Variants in RCOR2 observed in about 807,000 individuals in gnomAD.
RCOR2 encodes the protein REST corepressor 2.
Under a neutral mutation model 58.9 loss-of-function variants are expected in RCOR2, and 19 were observed. The observed-to-expected ratio is 0.32, with a 90% confidence interval of 0.23 to 0.47. The LOEUF (loss-of-function observed/expected upper bound fraction) is 0.47, where lower values mean the gene tolerates loss of function less well. Ranked by LOEUF, RCOR2 falls within the 20% of genes least tolerant of loss-of-function variation. The pLI, the probability that RCOR2 is intolerant of heterozygous loss-of-function variation, is 1.00. For synonymous variants in RCOR2, 286 were observed against 278.7 expected (o/e 1.03, Z -0.26); for missense variants, 590 against 707.9 (o/e 0.83, Z 1.89).
In RCOR2 at chr11:63,912,139, A is replaced by G; in HGVS notation, c.1298T>C (p.Val433Ala). 6.6e-7 allele frequency: 1 copy of G among 1,524,560 alleles called. No homozygotes were observed. Among genetic ancestry groups the G allele is most frequent in the South Asian group, 1.2e-5 (1 of 81,556 alleles). 94.4% of individuals were successfully genotyped at this position (1,524,560 alleles called of 1,614,324 possible). The change falls in exon 12 of 12, where the codon GTG (valine) becomes GCG (alanine). Residue 433 changes from valine to alanine, a missense_variant. Val to Ala is a moderately conservative substitution (Grantham distance 64). Coordinates refer to ENST00000301459, the MANE Select transcript of RCOR2 (RefSeq NM_173587.4). ...TSVSTSVPRS[V>A]PPAPPPPPPP... ...TGGAGGGGGTGGTGGCGCAGGGGGC[A>G]CTGATCGGGGCACGGACGTGGAGAC...
the RCOR2 span, among the ~76,000 whole-genome samples, chr11:63,922,686 TATCCC>T: frequency 6.6e-6 from 1 of 152,226 alleles, no homozygotes; most frequent in Non-Finnish European, 1.5e-5. Flanking sequence ...GCTTCGATTA[TATCCC>T]ATTCCTTCTC....
In RCOR2 at chr11:63,912,292, A is replaced by T. The variant is rs781698613; in HGVS notation, c.1257+13T>A. The T allele has an allele frequency of 6.2e-7, 1 of 1,606,876 alleles. No homozygotes were observed. Among genetic ancestry groups the T allele is most frequent in the Non-Finnish European group, 8.5e-7 (1 of 1,174,640 alleles). On this transcript the variant is annotated intron_variant, in intron 11 of 11. Transcript: ENST00000301459. Reference sequence around the variant, plus strand: ...CTCTCCTCTCTGAGGGGTTTCTCTCACCCCCTTCTCACCTCATCATCTTCC... The same window carrying T: ...CTCTCCTCTCTGAGGGGTTTCTCTCTCCCCCTTCTCACCTCATCATCTTCC...
chr11:63,916,089 C>T (rs1565161865), intron 1 of RCOR2, among the ~76,000 whole-genome samples: 2 of 152,206 alleles, frequency 1.3e-5, no homozygotes, highest in African/African-American at 2.4e-5. Context: ...ATGCCTCGGT[C>T]CCTGAGGGGG....
chr11:63,915,372 G>A, intron 2 of RCOR2, 114 bp from the exon 3 acceptor site: 1 of 1,137,676 alleles, frequency 8.8e-7, no homozygotes, highest in Non-Finnish European at 1.3e-6. Flanking sequence ...AGGCCCAGAA[G>A]GGAAGGAGGG....
the RCOR2 span, among the ~76,000 whole-genome samples, chr11:63,925,322 G>C: frequency 6.6e-6 from 1 of 152,094 alleles, no homozygotes; most frequent in Non-Finnish European, 1.5e-5. Context: ...GTGCTATGGC[G>C]TTGATCCCAT....
intron 8 of RCOR2, among the ~76,000 whole-genome samples, chr11:63,913,181 TATA>T (rs1370792118): frequency 8.8e-4 from 88 of 100,428 alleles, no homozygotes; most frequent in African/African-American, 2.6e-3. Context: ...TATATATATA[TATA>T]TTTTTTTTTT....
At chr11:63,925,007 C>T in the RCOR2 span, among the ~76,000 whole-genome samples, 4 of 152,094 alleles carry the variant, frequency 2.6e-5, no homozygotes, top group African/African-American at 7.2e-5. Flanking sequence ...CCTGCCACCA[C>T]GCCCAGCTAA....
chr11:63,922,663 A>AT, the RCOR2 span, among the ~76,000 whole-genome samples: 1 of 152,166 alleles, frequency 6.6e-6, no homozygotes, highest in Non-Finnish European at 1.5e-5. Context: ...CTGAATACAA[A>AT]TTTTTAAATA....
In RCOR2 at chr11:63,917,117, C is replaced by A. The variant is rs1941870793; in HGVS notation, c.-661G>T. Among the ~76,000 whole-genome samples the A allele has an allele frequency of 6.6e-6, 1 of 151,718 alleles. No individual in the cohort carries two copies. Among genetic ancestry groups the A allele is most frequent in the Non-Finnish European group, 1.5e-5 (1 of 67,824 alleles). ...GCTCTCCCCGCCGCGCTCGGGATGCCGCTTGCTCGCCCGCTCTCCGCCGCC... is the reference window on the plus strand; with the variant it reads ...GCTCTCCCCGCCGCGCTCGGGATGCAGCTTGCTCGCCCGCTCTCCGCCGCC... On this transcript the variant is annotated 5_prime_UTR_variant, in exon 1 of 12. Transcript: ENST00000301459.
chr11:63,912,248 G>A (rs964340521), intron 11 of RCOR2, 57 bp downstream of exon 11: 25 of 1,595,324 alleles, frequency 1.6e-5, no homozygotes, highest in Non-Finnish European at 2.1e-5. Context: ...GACCAAGGCG[G>A]CGCCTCACCT....
intron 8 of RCOR2, 126 bp downstream of exon 8, chr11:63,913,828 T>C: frequency 1.1e-6 from 1 of 906,904 alleles, no homozygotes; most frequent in Non-Finnish European, 1.8e-6. Flanking sequence ...ACCACATTAC[T>C]CAGAGTCCCA....
In RCOR2 at chr11:63,915,201, T is replaced by C. The variant is rs981994837; in HGVS notation, c.242A>G (p.Asn81Ser). The C allele has an allele frequency of 5.8e-6, 9 of 1,551,308 alleles. No homozygotes were observed. The African/African-American group carries it at 8.2e-5, about 14-fold the overall frequency. ...ELKGMLVWSP[N>S]HCVSDAKLDK... ...ACGCTTGGCATCTGACACACAGTGG[T>C]TGGGTGACCACACCAGCATCCCCTT... Residue 81 changes from asparagine to serine, a missense_variant, in exon 3 of 12, where the codon AAC (asparagine) becomes AGC (serine). Physicochemically the swap from Asn to Ser is conservative, Grantham distance 46. Around this residue, in one of 3 missense-constraint regions of RCOR2, gnomAD observed 390 missense variants for 478.7 expected, o/e 0.81. Transcript: ENST00000301459.
the RCOR2 span, among the ~76,000 whole-genome samples, chr11:63,922,462 T>G: frequency 6.6e-6 from 1 of 152,140 alleles, no homozygotes; most frequent in African/African-American, 2.4e-5. Context: ...AAGCGATTCT[T>G]TTGCCTCAGC....
upstream of RCOR2, among the ~76,000 whole-genome samples, chr11:63,921,546 G>A (rs559910198): frequency 1.8e-4 from 27 of 152,304 alleles, no homozygotes; most frequent in Admixed American, 2.6e-4. Context: ...TCCTGGCTCC[G>A]CTTCTTGCTA....
chr11:63,916,528 G>A lies in RCOR2; in HGVS notation c.-72C>T. 1.3e-6 allele frequency: 2 copies of A among 1,525,348 alleles called. No homozygotes were observed. Among genetic ancestry groups the A allele is most frequent in the South Asian group, 1.2e-5 (1 of 81,014 alleles). 94.5% of individuals were successfully genotyped at this position (1,525,348 alleles called of 1,614,324 possible). A position where few individuals can be genotyped will look rare whatever the true frequency, so the allele number is the denominator to read the frequency against. On this transcript the variant is annotated 5_prime_UTR_variant, in exon 1 of 12. Coordinates refer to ENST00000301459, the MANE Select transcript of RCOR2 (RefSeq NM_173587.4). ...ACAGTGGTTGCCGCACTCGCTCCGA[G>A]TGCCGAGCCCGGCCCGGCCTGGAGA...
At position 63,913,963 on chromosome 11, in the gene RCOR2, G is replaced by A. The variant is rs779634473; in HGVS notation, c.882C>T (p.Leu294=). The change falls in exon 8 of 12, where the codon CTC becomes CTT. Residue 294 remains leucine (L), a synonymous_variant. Transcript: ENST00000301459. ...TTTCCCAGGGCCCCACCTGGCGCTT[G>A]AGGGAGATGAGCTGAGAGTCAAGAC... ...LRGLDSQLIS[L]KRQVQSMKQT... is the part of the protein sequence containing the mutation. 29 of 1,613,514 alleles carry A rather than the reference G, an allele frequency of 1.8e-5. No individual in the cohort carries two copies. The highest frequency in any genetic ancestry group is 2.4e-5 in the Non-Finnish European group (28 of 1,179,922).
upstream of RCOR2, among the ~76,000 whole-genome samples, chr11:63,918,104 C>G (rs1322928464): frequency 1.3e-5 from 2 of 152,022 alleles, no homozygotes; most frequent in African/African-American, 2.4e-5. Context: ...CGCACACAAG[C>G]TGAAGCCCCC....
chr11:63,919,064 AG>A (rs1251397214), upstream of RCOR2, among the ~76,000 whole-genome samples: 2 of 151,776 alleles, frequency 1.3e-5, no homozygotes, highest in African/African-American at 4.8e-5. Flanking sequence ...GGGGACAGGG[AG>A]GGGAGGTTTA....
upstream of RCOR2, among the ~76,000 whole-genome samples, chr11:63,918,650 G>C (rs1590738565): frequency 6.6e-6 from 1 of 152,130 alleles, no homozygotes; most frequent in Non-Finnish European, 1.5e-5. Flanking sequence ...CTCCTAAGTG[G>C]CAGGGCGCCA....
Sources: allele counts gnomAD v4.1 joint callset (sites outside exome capture counted in the v4.1 genomes callset), GRCh38; gene constraint gnomAD v4.1.1; regional missense constraint gnomAD v4.1.1; transcripts MANE v1.5; gene names NCBI Gene and HGNC (gene_info 2026-07-23, HGNC 2026-07-21).